Variants in ZC3H12B observed in about 807,000 individuals in gnomAD.
The protein encoded by ZC3H12B is probable ribonuclease ZC3H12B.
A neutral mutation model predicts 43.9 loss-of-function variants in ZC3H12B; 7 were observed. The ratio of observed to expected loss-of-function variants is 0.16; its 90% CI spans 0.09 to 0.30. The LOEUF is 0.30. Among genes scored for constraint, ZC3H12B ranks in the 10% least tolerant of loss-of-function variants. The probability of loss-of-function intolerance (pLI) is 1.00; values close to 1 mark genes in which losing one functional copy is unlikely to be tolerated. For missense variants in ZC3H12B, 475 were observed against 670.2 expected (o/e 0.71, Z 3.22); for synonymous variants, 222 against 241.7 (o/e 0.92, Z 0.76).
intron 3 of ZC3H12B, chrX:65,408,273 A>G (rs1348152651): frequency 8.6e-7 from 1 of 1,165,409 alleles, no homozygotes; most frequent in Non-Finnish European, 1.2e-6. Context: ...TATGTGATGT[A>G]TTACGAAATG....
chrX:65,250,094 A>G, the ZC3H12B span, among the ~76,000 whole-genome samples: 2 of 108,606 alleles, frequency 1.8e-5, no homozygotes, highest in African/African-American at 3.4e-5. Flanking sequence ...CCCTCCCCCT[A>G]TCCTACAACA....
chrX:65,109,864 A>G, the ZC3H12B span, among the ~76,000 whole-genome samples: 1 of 107,115 alleles, frequency 9.3e-6, no homozygotes. Context: ...AACACTTGTT[A>G]TTATCATTTT....
the ZC3H12B span, among the ~76,000 whole-genome samples, chrX:65,325,957 G>T: frequency 9.0e-6 from 1 of 111,370 alleles, no homozygotes; most frequent in Admixed American, 9.6e-5. Flanking sequence ...ATGAGAAAAG[G>T]ACAATCTCTT....
Position 65,488,991 on chromosome X carries a change from G to A in ZC3H12B, c.190G>A (p.Asp64Asn), listed in dbSNP as rs773241007. 4.1e-5 allele frequency: 50 copies of A among 1,209,380 alleles called. No homozygotes were observed. Among genetic ancestry groups the A allele is most frequent in the Non-Finnish European group, 5.3e-5 (47 of 895,052 alleles). ...CAACAGCAAGAGCTGCCAACCTAGG[G>A]ATGGTCAGTTGAAGAAAAAGGAGAT... Residue 64 changes from aspartate to asparagine, a missense_variant, in exon 1 of 5, where the codon GAT becomes AAT. Physicochemically the swap from Asp to Asn is conservative, Grantham distance 23. Transcript: ENST00000338957.
the ZC3H12B span, among the ~76,000 whole-genome samples, chrX:65,311,641 T>A: frequency 8.9e-6 from 1 of 111,932 alleles, no homozygotes; most frequent in African/African-American, 3.3e-5. Context: ...ATCCCATTAC[T>A]GTATATATAC....
the ZC3H12B span, among the ~76,000 whole-genome samples, chrX:65,281,689 C>T: frequency 8.9e-6 from 1 of 112,428 alleles, no homozygotes. Flanking sequence ...TGACCAAACA[C>T]CTAAATGTCA....
the ZC3H12B span, among the ~76,000 whole-genome samples, chrX:65,149,835 T>C: frequency 9.3e-6 from 1 of 107,487 alleles, no homozygotes; most frequent in African/African-American, 3.4e-5. Context: ...TAAAGTATTA[T>C]GGGCATCTGC....
At chrX:65,229,107 G>C in the ZC3H12B span, among the ~76,000 whole-genome samples, 2 of 110,177 alleles carry the variant, frequency 1.8e-5, no homozygotes, top group Admixed American at 1.9e-4. Context: ...CAAAGCTGGA[G>C]GCATCACACT....
chrX:65,373,193 A>T (rs189791837), intron 2 of ZC3H12B, among the ~76,000 whole-genome samples: 1 of 112,368 alleles, frequency 8.9e-6, no homozygotes, highest in Admixed American at 9.4e-5. Context: ...ACAATGAGAT[A>T]CCATCTCAAA....
chrX:65,391,590 C>T lies in ZC3H12B; in HGVS notation n.296-7003C>T, dbSNP rs182358483. ...GATGGAGGGCAATTGTTTGCTGGTC[C>T]CTTGGGCCTGGAGAAACTGGTCTCT... is the stretch of plus-strand genomic sequence containing the variant. On this transcript the variant is annotated intron_variant and non_coding_transcript_variant, in intron 2 of 5. Transcript: ENST00000617377. Among the ~76,000 whole-genome samples the T allele has an allele frequency of 4.8e-3, 534 of 111,544 alleles. 2 individuals carry two copies. Among genetic ancestry groups the T allele is most frequent in the Non-Finnish European group, 8.2e-3 (434 of 53,044 alleles).
At chrX:65,377,715 C>T (rs1256597279) in intron 2 of ZC3H12B, among the ~76,000 whole-genome samples, 1 of 111,159 alleles carries the variant, frequency 9.0e-6, no homozygotes, top group African/African-American at 3.3e-5. Flanking sequence ...CAAACAAAAG[C>T]TGAGGAATTT....
At chrX:65,213,870 A>G in the ZC3H12B span, among the ~76,000 whole-genome samples, 1 of 107,048 alleles carries the variant, frequency 9.3e-6, no homozygotes, top group Non-Finnish European at 1.9e-5. Flanking sequence ...AAATCATTTG[A>G]AGGCAACGTA....
At chrX:65,121,134 G>C in the ZC3H12B span, among the ~76,000 whole-genome samples, 6 of 111,116 alleles carry the variant, frequency 5.4e-5, no homozygotes, top group Non-Finnish European at 1.1e-4. Flanking sequence ...GTCTCTGCCC[G>C]GCTTTGGTAT....
At chrX:65,114,012 TATATATATATATATTC>T in the ZC3H12B span, among the ~76,000 whole-genome samples, 1 of 84,792 alleles carries the variant, frequency 1.2e-5, no homozygotes, top group Admixed American at 1.5e-4. Flanking sequence ...TATATATATA[TATATATATATATATTC>T]ATCTTTAGCC....
At chrX:65,470,918 A>C (rs2067903075) in intron 3 of ZC3H12B, among the ~76,000 whole-genome samples, 1 of 112,037 alleles carries the variant, frequency 8.9e-6, no homozygotes, top group African/African-American at 3.2e-5. Flanking sequence ...TGATTTTTTT[A>C]AATGTATTGT....
At chrX:65,160,186 TG>T in the ZC3H12B span, among the ~76,000 whole-genome samples, 7 of 112,106 alleles carry the variant, frequency 6.2e-5, no homozygotes, top group African/African-American at 2.3e-4. Context: ...TGAGGATTTT[TG>T]CATCAATGTT....
chrX:65,328,676 A>C, the ZC3H12B span, among the ~76,000 whole-genome samples: 1 of 102,102 alleles, frequency 9.8e-6, no homozygotes, highest in Non-Finnish European at 2.0e-5. Flanking sequence ...TTAGGTATAT[A>C]TCCTAATGCT....
chrX:65,183,212 A>C, the ZC3H12B span, among the ~76,000 whole-genome samples: 1 of 111,902 alleles, frequency 8.9e-6, no homozygotes, highest in Admixed American at 9.6e-5. Flanking sequence ...GAAAATAAAG[A>C]AAATGGAATT....
chrX:65,252,589 T>C, the ZC3H12B span, among the ~76,000 whole-genome samples: 1 of 111,895 alleles, frequency 8.9e-6, no homozygotes. Context: ...TAGGGCTGCA[T>C]AGTGAACTCA....
Sources: gnomAD v4.1 joint callset for allele counts (sites outside exome capture counted in the v4.1 genomes callset) on GRCh38, gnomAD v4.1.1 for gene constraint, MANE v1.5 for transcripts, NCBI Gene and HGNC (gene_info 2026-07-23, HGNC 2026-07-21) for gene names.